The following NXPH1 variants were observed in gnomAD, a reference collection of about 807,000 sequenced individuals.
NXPH1 encodes neurexophilin 1.
A neutral mutation model predicts 23.7 loss-of-function variants in NXPH1; 5 were observed. The observed-to-expected ratio is 0.21, with a 90% CI of 0.11 to 0.44. The LOEUF (loss-of-function observed/expected upper bound fraction) is 0.44. Among genes scored for constraint, NXPH1 ranks in the 20% least tolerant of loss-of-function variants. The pLI, the probability that NXPH1 is intolerant of heterozygous loss-of-function variation, is 0.99. For synonymous variants in NXPH1, 144 were observed against 122.2 expected, an observed-to-expected ratio of 1.18 and a Z score of -1.18; for missense variants, 324 against 321.6, an observed-to-expected ratio of 1.01 and a Z score of -0.06.
At chr7:8,533,060 T>C (rs1425163061) in intron 2 of NXPH1, among the ~76,000 whole-genome samples, 3 of 152,150 alleles carry the variant, frequency 2.0e-5, no homozygotes, top group Admixed American at 1.3e-4. Flanking sequence ...GGTACTGCTA[T>C]TATACTTATT....
intron 2 of NXPH1, among the ~76,000 whole-genome samples, chr7:8,558,478 CA>C (rs1818395265): frequency 6.6e-6 from 1 of 151,720 alleles, no homozygotes; most frequent in African/African-American, 2.4e-5. Flanking sequence ...GTCTAGGAGA[CA>C]TTGGAGCCAA....
At chr7:8,547,147 C>T (rs186688305) in intron 2 of NXPH1, among the ~76,000 whole-genome samples, 46 of 151,492 alleles carry the variant, frequency 3.0e-4, no homozygotes, top group Admixed American at 2.7e-3. Flanking sequence ...AACCCAATGC[C>T]CCCTTAGGTG....
chr7:8,444,753 A>G (rs1381178356), intron 2 of NXPH1, among the ~76,000 whole-genome samples: 8 of 152,238 alleles, frequency 5.3e-5, no homozygotes, highest in Non-Finnish European at 1.0e-4. Flanking sequence ...ATCGCTGCAA[A>G]GAAGATAGGA....
chr7:8,746,690 G>A (rs914886794), intron 2 of NXPH1, among the ~76,000 whole-genome samples: 1 of 152,058 alleles, frequency 6.6e-6, no homozygotes, highest in Admixed American at 6.5e-5. Flanking sequence ...TGTGGTATGA[G>A]CACTTAATGT....
At position 8,751,094 on chromosome 7, in the gene NXPH1, A is replaced by G. The variant is rs942698551; in HGVS notation, c.141A>G (p.Thr47=). 3.7e-6 allele frequency: 6 copies of G among 1,613,776 alleles called. No individual in the cohort carries two copies. In the African/African-American group the frequency reaches 8.0e-5, roughly 22 times the overall value. Residue 47 remains threonine, a synonymous_variant, in exon 3 of 3, where the codon ACA becomes ACG. Coordinates refer to ENST00000405863, the MANE Select transcript of NXPH1 (RefSeq NM_152745.3). The surrounding 1 kb of genome is among the most constrained non-coding windows in gnomAD (Gnocchi z 4.5). ...SSKSTLKHIW[T]ESSKDLSISR... ...AATCCACACTAAAGCACATATGGACAGAAAGCAGCAAAGACTTGTCTATCA... is the reference window on the plus strand; with the variant it reads ...AATCCACACTAAAGCACATATGGACGGAAAGCAGCAAAGACTTGTCTATCA...
chr7:8,696,498 C>T (rs79286573), intron 2 of NXPH1, among the ~76,000 whole-genome samples: 337 of 152,252 alleles, frequency 2.2e-3, no homozygotes, highest in African/African-American at 7.7e-3. Context: ...TGGACTTTTT[C>T]GGATCCCATA....
At chr7:8,591,786 T>A (rs1275068814) in intron 2 of NXPH1, among the ~76,000 whole-genome samples, 2 of 151,932 alleles carry the variant, frequency 1.3e-5, no homozygotes, top group Non-Finnish European at 2.9e-5. Context: ...CACTCACAAC[T>A]TAATGAACAC....
intron 2 of NXPH1, among the ~76,000 whole-genome samples, chr7:8,471,267 A>G (rs966590376): frequency 1.3e-5 from 2 of 152,216 alleles, no homozygotes; most frequent in African/African-American, 4.8e-5. Flanking sequence ...GTACTCTACA[A>G]GAAAAGCTGT....
chr7:8,506,188 T>C (rs1360495408), intron 2 of NXPH1, among the ~76,000 whole-genome samples: 1 of 152,120 alleles, frequency 6.6e-6, no homozygotes, highest in African/African-American at 2.4e-5. Context: ...CTAATACATT[T>C]GTTGAGTTGT....
chr7:8,606,793 C>G (rs1819502359), intron 2 of NXPH1, among the ~76,000 whole-genome samples: 1 of 152,042 alleles, frequency 6.6e-6, no homozygotes, highest in Admixed American at 6.6e-5. Flanking sequence ...ATTTGTAAAT[C>G]AAGACATGAT....
chr7:8,637,172 T>C (rs1820229721), intron 2 of NXPH1, among the ~76,000 whole-genome samples: 1 of 152,084 alleles, frequency 6.6e-6, no homozygotes, highest in East Asian at 1.9e-4. Flanking sequence ...TGTAAACATT[T>C]GAATGTCCCT....
chr7:8,535,997 G>A (rs1010459314), intron 2 of NXPH1, among the ~76,000 whole-genome samples: 2 of 151,860 alleles, frequency 1.3e-5, no homozygotes, highest in Non-Finnish European at 2.9e-5. Context: ...GTCTCAACTT[G>A]TGTGATCCTT....
intron 2 of NXPH1, among the ~76,000 whole-genome samples, chr7:8,726,633 A>T (rs1424768549): frequency 3.3e-5 from 5 of 149,310 alleles, no homozygotes; most frequent in Middle Eastern, 3.2e-3. Flanking sequence ...ATGATTTCCA[A>T]TTTCATCCAT....
chr7:8,593,590 C>T (rs1819151346), intron 2 of NXPH1, among the ~76,000 whole-genome samples: 1 of 151,944 alleles, frequency 6.6e-6, no homozygotes, highest in African/African-American at 2.4e-5. Context: ...AATGTAAGAG[C>T]TTTCAAAATC....
intron 2 of NXPH1, among the ~76,000 whole-genome samples, chr7:8,639,207 ACCTTC>A (rs1475300310): frequency 2.6e-5 from 4 of 152,174 alleles, no homozygotes; most frequent in African/African-American, 9.7e-5. Context: ...GAGACTTCTG[ACCTTC>A]CTAATACCAC....
rs1232426764 is a variant in NXPH1, at chr7:8,605,833, T to C, written c.55-145175T>C. ...GCTGTGTGGAAGTTTCAGAAGATCT[T>C]AATATTTCTATTTGCAGCTTTGTAA... On this transcript the variant is annotated intron_variant, in intron 2 of 2. Coordinates refer to ENST00000405863, the MANE Select transcript of NXPH1 (RefSeq NM_152745.3). Among the ~76,000 whole-genome samples the C allele has an allele frequency of 2.6e-5, 4 of 152,110 alleles. 1 individual carries two copies. Among genetic ancestry groups the C allele is most frequent in the Admixed American group, 2.6e-4 (4 of 15,242 alleles).
chr7:8,727,386 GGT>G (rs1353595337), intron 2 of NXPH1, among the ~76,000 whole-genome samples: 1 of 140,468 alleles, frequency 7.1e-6, no homozygotes, highest in African/African-American at 2.8e-5. Flanking sequence ...CATTGCTTTT[GGT>G]GTTTTAGACA....
chr7:8,575,597 G>C (rs1313583589), intron 2 of NXPH1, among the ~76,000 whole-genome samples: 1 of 152,148 alleles, frequency 6.6e-6, no homozygotes, highest in East Asian at 1.9e-4. Context: ...CATAAGTTCT[G>C]TAAGCTCCAT....
chr7:8,583,670 A>G (rs1818925797), intron 2 of NXPH1, among the ~76,000 whole-genome samples: 1 of 152,134 alleles, frequency 6.6e-6, no homozygotes. Context: ...TGGTAGAGAG[A>G]GCAGATATTG....
Sources: allele counts gnomAD v4.1 joint callset (sites outside exome capture counted in the v4.1 genomes callset), GRCh38; gene constraint gnomAD v4.1.1; non-coding constraint Gnocchi (gnomAD v3.1); transcripts MANE v1.5; gene names NCBI Gene and HGNC (gene_info 2026-07-23, HGNC 2026-07-21).